Variants in SLC28A1 observed in about 807,000 individuals in gnomAD.
The protein encoded by SLC28A1 is sodium/nucleoside cotransporter 1.
In SLC28A1, 64 loss-of-function variants were observed where a neutral mutation model predicts 74.8. That is an observed-to-expected ratio of 0.86 (90% confidence interval 0.70 to 1.05). SLC28A1 has a LOEUF of 1.05. SLC28A1 is among the 50% of genes least tolerant of loss of function. The pLI, the probability that SLC28A1 is intolerant of heterozygous loss-of-function variation, is 0.00. For missense variants in SLC28A1, 828 were observed against 822.8 expected, an observed-to-expected ratio of 1.01 and a Z score of -0.08; for synonymous variants, 359 against 335.0, an observed-to-expected ratio of 1.07 and a Z score of -0.78.
chr15:84,954,940 G>A, the SLC28A1 span, among the ~76,000 whole-genome samples: 2 of 152,118 alleles, frequency 1.3e-5, no homozygotes, highest in Admixed American at 6.5e-5. Context: ...GACTTCTGAG[G>A]CTGGGTCATG....
At chr15:84,917,616 C>T (rs1028024417) in intron 9 of SLC28A1, among the ~76,000 whole-genome samples, 1 of 152,134 alleles carries the variant, frequency 6.6e-6, no homozygotes, top group Non-Finnish European at 1.5e-5. Flanking sequence ...GCATAGCATA[C>T]ACTCTTGTGG....
At chr15:84,922,155 C>T (rs1596311278) in intron 11 of SLC28A1, among the ~76,000 whole-genome samples, 1 of 152,112 alleles carries the variant, frequency 6.6e-6, no homozygotes, top group Non-Finnish European at 1.5e-5. Context: ...ATCCACACTC[C>T]CTCCCTGCAG....
At chr15:84,928,602 C>A (rs1176671269) in intron 12 of SLC28A1, among the ~76,000 whole-genome samples, 1 of 8,314 alleles carries the variant, frequency 1.2e-4, no homozygotes. Context: ...TTCTTTCTTT[C>A]TTTTCTTTCT....
chr15:84,917,695 C>T (rs1441424806), intron 9 of SLC28A1, among the ~76,000 whole-genome samples: 1 of 152,204 alleles, frequency 6.6e-6, no homozygotes, highest in Non-Finnish European at 1.5e-5. Flanking sequence ...TAGAGAGCTT[C>T]TGCATTCTTG....
chr15:84,954,927 T>C, the SLC28A1 span, among the ~76,000 whole-genome samples: 4 of 152,154 alleles, frequency 2.6e-5, no homozygotes, highest in Admixed American at 2.0e-4. Flanking sequence ...AATGATGCCA[T>C]GTGACTTCTG....
the SLC28A1 span, among the ~76,000 whole-genome samples, chr15:84,952,762 G>A: frequency 1.3e-5 from 2 of 152,096 alleles, no homozygotes; most frequent in African/African-American, 2.4e-5. Flanking sequence ...CGTGGTGCAC[G>A]TCTGTAGTCC....
intron 16 of SLC28A1, 135 bp from the exon 17 acceptor site, chr15:84,944,431 G>A: frequency 1.4e-6 from 1 of 721,086 alleles, no homozygotes. Flanking sequence ...CAAGCTGTCA[G>A]GAGGACAACA....
downstream of SLC28A1, among the ~76,000 whole-genome samples, chr15:84,948,495 T>C (rs2079307555): frequency 6.6e-6 from 1 of 152,178 alleles, no homozygotes. Flanking sequence ...AAATCTGTAC[T>C]CTTGCCAATG....
At chr15:84,962,499 A>G in the SLC28A1 span, among the ~76,000 whole-genome samples, 1 of 151,898 alleles carries the variant, frequency 6.6e-6, no homozygotes, top group Non-Finnish European at 1.5e-5. Context: ...GTATGGTGAC[A>G]TGATCAGGGC....
At chr15:84,892,561 C>T (rs1965478193) in intron 5 of SLC28A1, among the ~76,000 whole-genome samples, 2 of 152,212 alleles carry the variant, frequency 1.3e-5, no homozygotes, top group African/African-American at 4.8e-5. Flanking sequence ...GTCAGGAATG[C>T]AATCTGAATC....
chr15:84,953,879 A>G, the SLC28A1 span, among the ~76,000 whole-genome samples: 1 of 152,318 alleles, frequency 6.6e-6, no homozygotes, highest in East Asian at 1.9e-4. Context: ...GCTTAGGAGA[A>G]GAGGAATGTA....
At chr15:84,912,814 A>ACG (rs1968520836) in intron 9 of SLC28A1, among the ~76,000 whole-genome samples, 4 of 126,188 alleles carry the variant, frequency 3.2e-5, no homozygotes, top group African/African-American at 5.8e-5. Context: ...GCGCACACAC[A>ACG]CACACACACA....
intron 5 of SLC28A1, 97 bp from the exon 6 acceptor site, chr15:84,894,843 G>A (rs1030253382): frequency 3.3e-6 from 4 of 1,224,054 alleles, no homozygotes; most frequent in East Asian, 2.3e-5. Flanking sequence ...TGCCCTCCAC[G>A]CTCTGGGTGG....
At chr15:84,955,245 C>A in the SLC28A1 span, among the ~76,000 whole-genome samples, 1 of 152,194 alleles carries the variant, frequency 6.6e-6, no homozygotes, top group African/African-American at 2.4e-5. Flanking sequence ...AAGCCATCCC[C>A]TTTGGTGCCC....
intron 6 of SLC28A1, among the ~76,000 whole-genome samples, chr15:84,901,672 T>C (rs1966707952): frequency 6.6e-6 from 1 of 152,240 alleles, no homozygotes; most frequent in Admixed American, 6.5e-5. Context: ...GATATTACCA[T>C]ATGCTGATTA....
At chr15:84,961,709 CAGTT>C in the SLC28A1 span, 1 of 322,482 alleles carries the variant, frequency 3.1e-6, no homozygotes, top group South Asian at 2.4e-5. Context: ...CATTTAATGA[CAGTT>C]AATTAATACA....
downstream of SLC28A1, among the ~76,000 whole-genome samples, chr15:84,950,358 CCTTTTTT>C (rs1315335873): frequency 1.4e-4 from 14 of 102,988 alleles, no homozygotes; most frequent in African/African-American, 4.0e-4. Context: ...TCGCCAGTCT[CCTTTTTT>C]TTTTTTTTTT....
chr15:84,946,084 TCATATA>T (rs1203753679), downstream of SLC28A1, among the ~76,000 whole-genome samples: 11 of 27,548 alleles, frequency 4.0e-4, no homozygotes, highest in African/African-American at 1.6e-3. Context: ...GTGTGTATGT[TCATATA>T]TATATATATA....
chr15:84,968,347 C>T, the SLC28A1 span, among the ~76,000 whole-genome samples: 10 of 152,178 alleles, frequency 6.6e-5, no homozygotes, highest in Non-Finnish European at 1.3e-4. Context: ...GGGTCTCTCA[C>T]GCTGCAGTCA....
Sources: allele counts gnomAD v4.1 joint callset (sites outside exome capture counted in the v4.1 genomes callset), GRCh38; gene constraint gnomAD v4.1.1; transcripts MANE v1.5; gene names NCBI Gene and HGNC (gene_info 2026-07-23, HGNC 2026-07-21).